The following MYO18B variants were observed in gnomAD, a reference collection of about 807,000 sequenced individuals.
The protein encoded by MYO18B is myosin XVIIIB, also known as unconventional myosin-XVIIIb.
A neutral mutation model predicts 273.0 loss-of-function variants in MYO18B; 204 were observed. That is an observed-to-expected ratio of 0.75 (90% CI 0.67 to 0.84). MYO18B has a LOEUF of 0.84. Among genes scored for constraint, MYO18B ranks in the 40% least tolerant of loss-of-function variants. The pLI, the probability that MYO18B is intolerant of heterozygous loss-of-function variation, is 0.00. For synonymous variants in MYO18B, 1,330 were observed against 1,305.7 expected (o/e 1.02, Z -0.40); for missense variants, 3,212 against 3,287.6 (o/e 0.98, Z 0.56).
At chr22:25,827,423 A>G (rs563747324) in intron 14 of MYO18B, among the ~76,000 whole-genome samples, 62 of 152,326 alleles carry the variant, frequency 4.1e-4, no homozygotes, top group African/African-American at 1.4e-3. Context: ...GCGGGGCTGC[A>G]GGCACCAGGA....
At chr22:25,999,952 C>T (rs1055359650) in intron 40 of MYO18B, among the ~76,000 whole-genome samples, 2 of 152,140 alleles carry the variant, frequency 1.3e-5, no homozygotes, top group Admixed American at 1.3e-4. Flanking sequence ...CACGCCTGGC[C>T]AAGTTCTTTT....
the MYO18B span, among the ~76,000 whole-genome samples, chr22:26,038,217 A>T: frequency 6.6e-6 from 1 of 152,226 alleles, no homozygotes; most frequent in Non-Finnish European, 1.5e-5. Context: ...TGCACTAAAG[A>T]ATCCTGACAG....
rs982589049 is a variant in MYO18B at position 25,882,346 on chromosome 22, G to T, written c.4314+4298G>T. ...AAACAAGCTATTTCATAGACATATT[G>T]CATGTAGATTGAAAAAAAAAAAAGA... On this transcript the variant is annotated intron_variant, in intron 25 of 43. Coordinates refer to ENST00000335473, the MANE Select transcript of MYO18B (RefSeq NM_032608.7). Among the ~76,000 whole-genome samples the T allele has an allele frequency of 9.7e-5, 13 of 134,308 alleles. 1 individual carries two copies. The Admixed American group carries it at 1.0e-3, about 10-fold the overall frequency. 88.1% of individuals were successfully genotyped at this position (134,308 alleles called of 152,430 possible).
chr22:25,890,983 A>G, intron 26 of MYO18B, 108 bp downstream of exon 26: 1 of 1,440,216 alleles, frequency 6.9e-7, no homozygotes, highest in Non-Finnish European at 9.3e-7. Flanking sequence ...CAAGATGCAC[A>G]GGTTGACTGA....
At chr22:25,822,660 C>T (rs749136074) in intron 12 of MYO18B, among the ~76,000 whole-genome samples, 7 of 152,274 alleles carry the variant, frequency 4.6e-5, no homozygotes, top group East Asian at 1.9e-4. Context: ...CCTCAGACAC[C>T]GGATTAAAGA....
At chr22:25,904,514 G>A (rs2092001413) in intron 31 of MYO18B, among the ~76,000 whole-genome samples, 1 of 152,164 alleles carries the variant, frequency 6.6e-6, no homozygotes, top group South Asian at 2.1e-4. Context: ...ACACTGCCTC[G>A]AATGTCTGCT....
At chr22:26,004,047 G>A (rs942553545) in intron 41 of MYO18B, among the ~76,000 whole-genome samples, 1 of 151,424 alleles carries the variant, frequency 6.6e-6, no homozygotes, top group Non-Finnish European at 1.5e-5. Context: ...ACAAGAACTG[G>A]TGCTTGGCAT....
chr22:25,750,994 G>A (rs1231080412), intron 1 of MYO18B, among the ~76,000 whole-genome samples: 1 of 152,170 alleles, frequency 6.6e-6, no homozygotes, highest in Non-Finnish European at 1.5e-5. Context: ...AGACCATCTG[G>A]TCCACGAATC....
intron 39 of MYO18B, among the ~76,000 whole-genome samples, chr22:25,971,424 A>G (rs1167326681): frequency 3.3e-5 from 5 of 152,252 alleles, no homozygotes; most frequent in African/African-American, 9.6e-5. Context: ...TAAGTGGTCA[A>G]TAAATTGTAA....
At chr22:26,017,429 AAAC>A (rs1569298600) in intron 42 of MYO18B, among the ~76,000 whole-genome samples, 2 of 151,436 alleles carry the variant, frequency 1.3e-5, no homozygotes, top group African/African-American at 4.9e-5. Context: ...CCCCTTATGA[AAAC>A]AAGTTGACAA....
chr22:25,835,459 G>C lies in MYO18B; in HGVS notation c.3208+16G>C, dbSNP rs1307728789. ...GGGACTGAAGGTAAGGAAGCAGGGGGCTGGGGATGGGGCCTGAGTCCAGCC... is the reference window on the plus strand; with the variant it reads ...GGGACTGAAGGTAAGGAAGCAGGGGCCTGGGGATGGGGCCTGAGTCCAGCC... On this transcript the variant is annotated intron_variant, in intron 17 of 43. Coordinates refer to ENST00000335473, the MANE Select transcript of MYO18B (RefSeq NM_032608.7). 8.7e-6 allele frequency: 14 copies of C among 1,613,370 alleles called. No individual in the cohort carries two copies. The highest frequency in any genetic ancestry group is 1.2e-5 in the Non-Finnish European group (14 of 1,179,838).
chr22:25,902,529 T>C, intron 29 of MYO18B, 84 bp from the exon 30 acceptor site: 1 of 1,456,012 alleles, frequency 6.9e-7, no homozygotes. Context: ...TAGCGGCCTC[T>C]CTGCAGCCCC....
At chr22:25,995,877 C>T (rs1933180957) in intron 40 of MYO18B, among the ~76,000 whole-genome samples, 2 of 152,174 alleles carry the variant, frequency 1.3e-5, no homozygotes, top group African/African-American at 2.4e-5. Flanking sequence ...TGATGTTTTT[C>T]CCTTGACTGG....
At chr22:25,996,931 T>C (rs1221407133) in intron 40 of MYO18B, among the ~76,000 whole-genome samples, 1 of 152,194 alleles carries the variant, frequency 6.6e-6, no homozygotes, top group Non-Finnish European at 1.5e-5. Context: ...CCTCTGAAGA[T>C]GACCCATAGA....
intron 36 of MYO18B, among the ~76,000 whole-genome samples, chr22:25,948,460 T>TA (rs2092748553): frequency 7.8e-6 from 1 of 128,272 alleles, no homozygotes; most frequent in African/African-American, 3.2e-5. Flanking sequence ...CCTTCCTTCC[T>TA]TCTTTCTTTC....
chr22:25,818,041 T>G (rs2145863811), intron 12 of MYO18B, among the ~76,000 whole-genome samples: 1 of 152,332 alleles, frequency 6.6e-6, no homozygotes, highest in East Asian at 1.9e-4. Context: ...GAAAAATGGC[T>G]GACAACCAAA....
At chr22:25,956,969 C>T (rs754686430) in intron 39 of MYO18B, among the ~76,000 whole-genome samples, 4 of 152,138 alleles carry the variant, frequency 2.6e-5, no homozygotes, top group African/African-American at 4.8e-5. Context: ...AGTAAGGCAC[C>T]GCACAGAGAC....
intron 40 of MYO18B, among the ~76,000 whole-genome samples, chr22:25,995,220 G>A (rs1012389357): frequency 1.3e-5 from 2 of 152,216 alleles, no homozygotes; most frequent in African/African-American, 2.4e-5. Flanking sequence ...TCACTTACTT[G>A]TGGGATATAA....
intron 12 of MYO18B, among the ~76,000 whole-genome samples, chr22:25,810,136 T>G (rs2088675231): frequency 6.7e-6 from 1 of 149,984 alleles, no homozygotes; most frequent in Non-Finnish European, 1.5e-5. Context: ...CTTGCTCTGT[T>G]GCCCAGGCTG....
Sources: allele counts gnomAD v4.1 joint callset (sites outside exome capture counted in the v4.1 genomes callset), GRCh38; gene constraint gnomAD v4.1.1; transcripts MANE v1.5; gene names NCBI Gene and HGNC (gene_info 2026-07-23, HGNC 2026-07-21).